Variants in INTS1 observed in about 807,000 individuals in gnomAD.
The protein encoded by INTS1 is integrator complex subunit 1.
A neutral mutation model predicts 241.6 loss-of-function variants in INTS1; 137 were observed. The observed-to-expected ratio is 0.57, with a 90% confidence interval of 0.49 to 0.65. The LOEUF is 0.65. Among genes scored for constraint, INTS1 ranks in the 30% least tolerant of loss-of-function variants. INTS1 has a pLI of 0.00. For synonymous variants in INTS1, 1,692 were observed against 1,337.8 expected, an observed-to-expected ratio of 1.26 and a Z score of -5.78; for missense variants, 3,073 against 3,032.2, an observed-to-expected ratio of 1.01 and a Z score of -0.32.
chr7:1,486,426 G>A (rs573432750), intron 22 of INTS1, among the ~76,000 whole-genome samples, 199 bp downstream of exon 22: 3 of 151,656 alleles, frequency 2.0e-5, no homozygotes, highest in South Asian at 4.2e-4. Flanking sequence ...ACCACGCCCA[G>A]CTAATTTTTT....
At chr7:1,494,681 A>G (rs1782758013) in intron 14 of INTS1, 135 bp downstream of exon 14, 5 of 816,368 alleles carry the variant, frequency 6.1e-6, no homozygotes, top group Non-Finnish European at 9.9e-6. Context: ...AGGATTGTGG[A>G]GGAGGAGCAG....
chr7:1,474,161 C>A lies in INTS1; in HGVS notation c.5829+7G>T. 3 of 1,554,436 alleles carry A rather than the reference C, an allele frequency of 1.9e-6. No homozygotes were observed. The highest frequency in any genetic ancestry group is 2.6e-6 in the Non-Finnish European group (3 of 1,152,936). On this transcript the variant is annotated splice_region_variant and intron_variant, in intron 41 of 47. Transcript: ENST00000404767. ...GGAGCGCGAGGGCGGGCGGCGGGAGCACACACCAGCAGCAGGCGGATGAAG... is the reference window on the plus strand; with the variant it reads ...GGAGCGCGAGGGCGGGCGGCGGGAGAACACACCAGCAGCAGGCGGATGAAG...
At chr7:1,486,283 G>A (rs999165627) in intron 22 of INTS1, among the ~76,000 whole-genome samples, 2 of 134,678 alleles carry the variant, frequency 1.5e-5, no homozygotes, top group African/African-American at 5.4e-5. Flanking sequence ...TTTTTTTTTT[G>A]AGATGGAGTT....
Position 1,503,953 on chromosome 7 carries a change from C to T in INTS1, c.8G>A (p.Arg3Gln). 6.4e-7 allele frequency: 1 copy of T among 1,565,452 alleles called. No individual in the cohort carries two copies. ...CCGGCGCACCGTGGTGGGCTTGGCC[C>T]GGTTCATCCTGCCCCGTCCCTCGCG... is the stretch of plus-strand genomic sequence containing the variant. Reference protein sequence around the residue: MNRAKPTTVRRPS... With the variant: MNQAKPTTVRRPS... The change falls in exon 2 of 48, where the codon CGG (arginine) becomes CAG (glutamine). Residue 3 changes from arginine to glutamine, a missense_variant. Transcript: ENST00000404767.
intron 27 of INTS1, among the ~76,000 whole-genome samples, chr7:1,482,001 C>T (rs1207341783): frequency 1.3e-5 from 2 of 152,274 alleles, no homozygotes; most frequent in East Asian, 3.9e-4. Flanking sequence ...GCTCTTGCCC[C>T]GAAGCCATCG....
chr7:1,502,780 C>T lies in INTS1; in HGVS notation c.349+121G>A, dbSNP rs761277715. ...CTTCCAAGAACAAGCCACAAACATC[C>T]GCTCTCCCAAAGGACCTCGGCCATA... On this transcript the variant is annotated intron_variant, in intron 3 of 47. Transcript: ENST00000404767. The T allele has an allele frequency of 3.8e-5, 41 of 1,074,410 alleles. No individual in the cohort carries two copies. The South Asian group carries it at 4.9e-4, about 13-fold the overall frequency. The allele number at this position is 1,074,410 out of a possible 1,614,324, so 66.6% of individuals were successfully genotyped here.
chr7:1,501,351 A>G (rs1054941401), intron 3 of INTS1: 2 of 152,262 alleles, frequency 1.3e-5, no homozygotes, highest in East Asian at 1.9e-4. Flanking sequence ...ACATGTGGAC[A>G]GAGGCATTGT....
Position 1,498,884 on chromosome 7 carries a change from C to A in INTS1, c.1138-32G>T, listed in dbSNP as rs377480605. The stretch of plus-strand genomic sequence containing the variant: ...GGCCGAGGAGGGAGCAGTGGGCTCA[C>A]GGCCACCCCGGCAGGAAGACCACGC... On this transcript the variant is annotated intron_variant, in intron 8 of 47. Coordinates refer to ENST00000404767, the MANE Select transcript of INTS1 (RefSeq NM_001080453.3). 4 of 1,567,232 alleles carry A rather than the reference C, an allele frequency of 2.6e-6. No individual in the cohort carries two copies. In the African/African-American group the frequency reaches 4.1e-5, roughly 16 times the overall value.
At chr7:1,498,683 G>T in intron 9 of INTS1, 24 bp downstream of exon 9, 2 of 698,812 alleles carry the variant, frequency 2.9e-6, no homozygotes, top group Non-Finnish European at 2.0e-6. Context: ...CCGCACCCCC[G>T]CTCTGCCCCG....
chr7:1,498,948 G>GGGC, intron 8 of INTS1, 27 bp downstream of exon 8: 13 of 946,672 alleles, frequency 1.4e-5, no homozygotes, highest in Non-Finnish European at 1.6e-5. Context: ...CCCCTGCCCC[G>GGGC]CCCACCCCCC....
At chr7:1,487,661 C>G in intron 19 of INTS1, 99 bp downstream of exon 19, 1 of 1,450,044 alleles carries the variant, frequency 6.9e-7, no homozygotes, top group Non-Finnish European at 9.5e-7. Context: ...TGCCGCAGTG[C>G]GGTCGGCTCC....
chr7:1,480,673 G>A (rs1248537372), intron 29 of INTS1, among the ~76,000 whole-genome samples, 162 bp downstream of exon 29: 1 of 152,180 alleles, frequency 6.6e-6, no homozygotes, highest in African/African-American at 2.4e-5. Flanking sequence ...CCCAAAGACA[G>A]GCTGAGAGTT....
In INTS1 at chr7:1,493,837, G is replaced by T; in HGVS notation, c.1985C>A (p.Ser662Tyr). 1 of 1,571,342 alleles carries T rather than the reference G, an allele frequency of 6.4e-7. No individual in the cohort carries two copies. The highest frequency in any genetic ancestry group is 1.7e-4 in the Middle Eastern group (1 of 6,014). The change falls in exon 15 of 48, where the codon TCC becomes TAC. Residue 662 changes from serine to tyrosine, a missense_variant. Coordinates refer to ENST00000404767, the MANE Select transcript of INTS1 (RefSeq NM_001080453.3). The surrounding 1 kb of genome is among the most constrained non-coding windows in gnomAD (Gnocchi z 5.3). ...TLMRILVIGL[S>Y]RELPLGPADA... ...CGCAGGCCCGAGCGGGAGCTCCCGG[G>T]ACAGCCCGATGACCAGGATGCGCAT...
chr7:1,486,834 G>A, intron 21 of INTS1, 60 bp from the exon 22 acceptor site: 6 of 1,599,966 alleles, frequency 3.8e-6, no homozygotes, highest in South Asian at 1.1e-5. Context: ...TAGGACGTGG[G>A]GTGCGCGGCT....
At chr7:1,474,580 C>G in intron 40 of INTS1, 125 bp downstream of exon 40, 1 of 1,348,962 alleles carries the variant, frequency 7.4e-7, no homozygotes, top group Non-Finnish European at 9.9e-7. Flanking sequence ...CGGTCAAGCT[C>G]AGCCCATGGG....
rs1161263868 is a variant in INTS1, at chr7:1,472,204, G to C, written c.6184+69C>G. On this transcript the variant is annotated intron_variant, in intron 44 of 47. Coordinates refer to ENST00000404767, the MANE Select transcript of INTS1 (RefSeq NM_001080453.3). The stretch of plus-strand genomic sequence containing the variant: ...CAAAGTCAGTGCCCAAATGGCTACT[G>C]GCTGCTGCCCGCAGCCCCATGGGAC... 2.3e-5 allele frequency: 28 copies of C among 1,202,756 alleles called. 1 individual carries two copies. In the East Asian group the frequency reaches 7.1e-4, roughly 31 times the overall value. 74.5% of individuals were successfully genotyped at this position (1,202,756 alleles called of 1,614,324 possible).
intron 44 of INTS1, chr7:1,471,908 C>A: frequency 1.7e-6 from 1 of 581,500 alleles, no homozygotes; most frequent in Non-Finnish European, 3.1e-6. Context: ...AGTGTCCCCA[C>A]GGCCCGACTC....
chr7:1,478,670 G>A, intron 32 of INTS1, 56 bp downstream of exon 32: 2 of 1,501,414 alleles, frequency 1.3e-6, no homozygotes, highest in Non-Finnish European at 1.8e-6. Flanking sequence ...TGGCCACTCT[G>A]AGTGAGCCCC....
rs376669537 is a variant in INTS1, at chr7:1,470,965, C to T, written c.6348-10G>A. On this transcript the variant is annotated splice_polypyrimidine_tract_variant and intron_variant, in intron 46 of 47. Transcript: ENST00000404767. ...GAAAGCGGCTGCAATGCTGAAAGAC[C>T]CACACACTTCAGTGGGAACCTCCAC... 27 of 1,552,644 alleles carry T rather than the reference C, an allele frequency of 1.7e-5. No homozygotes were observed. The highest frequency in any genetic ancestry group is 2.3e-5 in the Non-Finnish European group (26 of 1,148,166).
Sources: gnomAD v4.1 joint callset for allele counts (sites outside exome capture counted in the v4.1 genomes callset) on GRCh38, gnomAD v4.1.1 for gene constraint, Gnocchi (gnomAD v3.1) non-coding constraint, MANE v1.5 for transcripts, NCBI Gene and HGNC (gene_info 2026-07-23, HGNC 2026-07-21) for gene names.